The following ADGRL2 variants were observed in gnomAD, a reference collection of about 807,000 sequenced individuals.
ADGRL2 encodes calcium-independent alpha-latrotoxin receptor 2.
Under a neutral mutation model 157.4 loss-of-function variants are expected in ADGRL2, and 44 were observed. The ratio of observed to expected loss-of-function variants is 0.28; its 90% confidence interval spans 0.22 to 0.36. The LOEUF (loss-of-function observed/expected upper bound fraction) is 0.36, where lower values mean the gene tolerates loss of function less well. Among genes scored for constraint, ADGRL2 ranks in the 10% least tolerant of loss-of-function variants. The pLI, the probability that ADGRL2 is intolerant of heterozygous loss-of-function variation, is 1.00. For synonymous variants in ADGRL2, 585 were observed against 624.7 expected (o/e 0.94, Z 0.95); for missense variants, 1,510 against 1,768.9 (o/e 0.85, Z 2.63).
At chr1:81,916,401 A>C (rs1390324404) in intron 3 of ADGRL2, among the ~76,000 whole-genome samples, 1 of 152,198 alleles carries the variant, frequency 6.6e-6, no homozygotes, top group East Asian at 1.9e-4. Context: ...CAGTTGTAAA[A>C]AATAGAAATG....
intron 1 of ADGRL2, among the ~76,000 whole-genome samples, chr1:81,804,739 G>A (rs1156855605): frequency 6.6e-6 from 1 of 152,158 alleles, no homozygotes; most frequent in Non-Finnish European, 1.5e-5. Context: ...GTGTAAGAGA[G>A]AGTGAGAAAG....
At chr1:81,846,153 G>C (rs554836331) in intron 2 of ADGRL2, among the ~76,000 whole-genome samples, 1 of 151,896 alleles carries the variant, frequency 6.6e-6, no homozygotes, top group African/African-American at 2.4e-5. Flanking sequence ...AGTAGTTGAA[G>C]TTTGGAACAT....
chr1:81,950,403 A>G lies in ADGRL2; in HGVS notation c.1425A>G (p.Ala475=). 2 of 1,614,100 alleles carry G rather than the reference A, an allele frequency of 1.2e-6. No individual in the cohort carries two copies. Among genetic ancestry groups the G allele is most frequent in the South Asian group, 1.1e-5 (1 of 91,090 alleles). The change falls in exon 7 of 24, where the codon GCA becomes GCG. Residue 475 remains alanine (A), a synonymous_variant. Coordinates refer to ENST00000686636, the MANE Select transcript of ADGRL2 (RefSeq NM_001366006.2). The part of the protein sequence containing the change: ...IFPLPERFCE[A]LDSKGIKWPQ... Reference sequence around the variant, plus strand: ...CCCTGCCAGAGAGATTCTGTGAAGCATTAGACTCCAAGGGGATAAAGTGGC... The same window carrying G: ...CCCTGCCAGAGAGATTCTGTGAAGCGTTAGACTCCAAGGGGATAAAGTGGC...
At chr1:81,379,514 G>T (rs1040949981) in intron 1 of ADGRL2, among the ~76,000 whole-genome samples, 1 of 152,156 alleles carries the variant, frequency 6.6e-6, no homozygotes. Context: ...ATGAGTGCAA[G>T]GTTTTATTGA....
At chr1:81,806,336 G>A (rs74095925) in intron 1 of ADGRL2, among the ~76,000 whole-genome samples, 5,191 of 151,964 alleles carry the variant, frequency 0.034, 290 homozygotes, top group African/African-American at 0.12. Context: ...AAACAGTTGG[G>A]GTTTTTACTG....
intron 3 of ADGRL2, among the ~76,000 whole-genome samples, chr1:81,916,813 C>A (rs1231431134): frequency 1.3e-5 from 2 of 151,788 alleles, no homozygotes; most frequent in East Asian, 3.9e-4. Flanking sequence ...AAGGAGATAT[C>A]TAAATAAATA....
intron 1 of ADGRL2, among the ~76,000 whole-genome samples, chr1:81,734,175 C>A (rs2084819165): frequency 6.7e-6 from 1 of 150,276 alleles, no homozygotes; most frequent in African/African-American, 2.5e-5. Context: ...ACTCGGAAGG[C>A]TGAGGCAGGA....
chr1:81,372,061 A>G (rs968921672), intron 1 of ADGRL2, among the ~76,000 whole-genome samples: 8 of 152,204 alleles, frequency 5.3e-5, no homozygotes, highest in African/African-American at 1.9e-4. Context: ...TATGGCATAA[A>G]GATCTTAGAT....
chr1:81,715,620 A>C (rs1280717122), intron 1 of ADGRL2, among the ~76,000 whole-genome samples: 1 of 152,068 alleles, frequency 6.6e-6, no homozygotes, highest in Non-Finnish European at 1.5e-5. Context: ...CTGAGCACTT[A>C]ATGCGACATG....
At chr1:81,647,054 C>G (rs531698920) in intron 3 of ADGRL2, among the ~76,000 whole-genome samples, 1 of 152,168 alleles carries the variant, frequency 6.6e-6, no homozygotes, top group African/African-American at 2.4e-5. Context: ...TTGTTGTTCC[C>G]AAGAGAAAGT....
rs1325536595 is a variant in ADGRL2, at chr1:81,708,438, C to T, written c.-143+8630C>T. On this transcript the variant is annotated intron_variant, in intron 1 of 20. Coordinates refer to the ADGRL2 transcript ENST00000359929. Reference sequence around the variant, plus strand: ...TTATGCATATCTGTTGCCAGAACAGCATGACTGTCTTGACTGAATGAGGAA... The same window carrying T: ...TTATGCATATCTGTTGCCAGAACAGTATGACTGTCTTGACTGAATGAGGAA... 6.6e-5 allele frequency among the ~76,000 whole-genome samples: 10 copies of T among 152,114 alleles called. No homozygotes were observed. In the East Asian group the frequency reaches 1.9e-3, roughly 29 times the overall value.
chr1:81,767,216 T>C (rs529297080), intron 2 of ADGRL2, among the ~76,000 whole-genome samples: 1 of 152,322 alleles, frequency 6.6e-6, no homozygotes, highest in South Asian at 2.1e-4. Flanking sequence ...TATTGTAAGA[T>C]TTATTAGTCT....
intron 1 of ADGRL2, among the ~76,000 whole-genome samples, chr1:81,411,334 G>T (rs566220148): frequency 6.6e-6 from 1 of 152,312 alleles, no homozygotes; most frequent in African/African-American, 2.4e-5. Flanking sequence ...ACAATTTAAA[G>T]GAGGTTTTTT....
chr1:81,557,219 G>T, intron 2 of ADGRL2: 1 of 188,068 alleles, frequency 5.3e-6, no homozygotes, highest in Non-Finnish European at 1.2e-5. Context: ...CAAGCTGAAC[G>T]TTGATGTCCT....
chr1:81,634,386 A>G (rs899597028), intron 3 of ADGRL2, among the ~76,000 whole-genome samples: 1 of 151,988 alleles, frequency 6.6e-6, no homozygotes, highest in Non-Finnish European at 1.5e-5. Context: ...ATGGCTACCC[A>G]TTGCAAGTGG....
intron 3 of ADGRL2, among the ~76,000 whole-genome samples, chr1:81,920,549 A>T (rs542540965): frequency 1.3e-5 from 2 of 152,226 alleles, no homozygotes; most frequent in South Asian, 4.1e-4. Context: ...ATCCCAATGA[A>T]TGCCAGAGTA....
intron 3 of ADGRL2, among the ~76,000 whole-genome samples, chr1:81,689,806 G>C (rs2083296995): frequency 6.6e-6 from 1 of 152,150 alleles, no homozygotes; most frequent in Non-Finnish European, 1.5e-5. Flanking sequence ...AAGCATTTTT[G>C]ACTGATTTGC....
intron 1 of ADGRL2, among the ~76,000 whole-genome samples, chr1:81,435,406 G>A (rs1202920433): frequency 6.6e-6 from 1 of 152,220 alleles, no homozygotes; most frequent in Admixed American, 6.5e-5. Flanking sequence ...ATCTCTCTGT[G>A]AGGATGTCCA....
intron 2 of ADGRL2, among the ~76,000 whole-genome samples, chr1:81,573,540 G>T (rs2080737287): frequency 6.6e-6 from 1 of 152,110 alleles, no homozygotes; most frequent in African/African-American, 2.4e-5. Context: ...TATAATTCAT[G>T]TGTGGGAATG....
Sources: gnomAD v4.1 joint callset for allele counts (sites outside exome capture counted in the v4.1 genomes callset) on GRCh38, gnomAD v4.1.1 for gene constraint, MANE v1.5 for transcripts, NCBI Gene and HGNC (gene_info 2026-07-23, HGNC 2026-07-21) for gene names.